The following DGKD variants were observed in gnomAD, a reference collection of about 807,000 sequenced individuals.
DGKD encodes DAG kinase delta.
A neutral mutation model predicts 154.4 loss-of-function variants in DGKD; 68 were observed. The ratio of observed to expected loss-of-function variants is 0.44; its 90% confidence interval spans 0.36 to 0.54. The LOEUF (loss-of-function observed/expected upper bound fraction) is 0.54, where lower values mean the gene tolerates loss of function less well. Ranked by LOEUF, DGKD falls within the 20% of genes least tolerant of loss-of-function variation. The pLI is 0.00. For missense variants in DGKD, 1,343 were observed against 1,593.6 expected, an observed-to-expected ratio of 0.84 and a Z score of 2.68; for synonymous variants, 693 against 638.0, an observed-to-expected ratio of 1.09 and a Z score of -1.30.
At chr2:233,429,285 C>A in intron 3 of DGKD, 2 of 985,282 alleles carry the variant, frequency 2.0e-6, no homozygotes, top group Non-Finnish European at 2.4e-6. Context: ...ATATAATCCC[C>A]GAGTTATGCA....
chr2:233,372,288 C>A (rs1034362264), intron 1 of DGKD, among the ~76,000 whole-genome samples: 1 of 152,198 alleles, frequency 6.6e-6, no homozygotes, highest in African/African-American at 2.4e-5. Flanking sequence ...CCCAAAGTGG[C>A]TAGGATTACA....
chr2:233,366,364 G>A (rs1702030141), intron 1 of DGKD, among the ~76,000 whole-genome samples: 1 of 152,160 alleles, frequency 6.6e-6, no homozygotes, highest in South Asian at 2.1e-4. Flanking sequence ...TGTGGCGATG[G>A]GGGAAGTAGC....
chr2:233,355,844 A>G (rs67863435), intron 1 of DGKD, among the ~76,000 whole-genome samples: 17,481 of 152,310 alleles, frequency 0.11, 1,303 homozygotes, highest in South Asian at 0.34. Context: ...TTAGTTTATT[A>G]GTACTGGTGA....
At position 233,441,700 on chromosome 2, in the gene DGKD, C is replaced by T. The variant is rs745479140; in HGVS notation, c.1086-187C>T. Among the ~76,000 whole-genome samples the T allele has an allele frequency of 3.4e-4, 51 of 152,058 alleles. No homozygotes were observed. The highest frequency in any genetic ancestry group is 6.3e-4 in the Non-Finnish European group (43 of 67,994). ...GTTGGCTGGACCCCAGTGCTGCTGT[C>T]GTCCCTTTGACAAAGTGGACCCTGA... On this transcript the variant is annotated intron_variant, in intron 9 of 29. Coordinates refer to ENST00000264057, the MANE Select transcript of DGKD (RefSeq NM_152879.3). This position sits in a 1 kb window ranked among gnomAD's most constrained non-coding sequence, Gnocchi z 5.6.
intron 1 of DGKD, among the ~76,000 whole-genome samples, chr2:233,370,942 A>T (rs1047818879): frequency 3.3e-5 from 5 of 151,836 alleles, no homozygotes. Flanking sequence ...TGTAGAGATG[A>T]GGTCTTGCTG....
At position 233,452,584 on chromosome 2, in the gene DGKD, A is replaced by G. The variant is rs1365668357; in HGVS notation, c.2264+524A>G. On this transcript the variant is annotated intron_variant, in intron 18 of 29. Transcript: ENST00000264057. The surrounding 1 kb of genome is among the most constrained non-coding windows in gnomAD (Gnocchi z 4.0). ...TCTCCGAGCACCTTAGGGAGACACT[A>G]GCCTGTGCTGAGGCTTATAAGGGCT... is the stretch of plus-strand genomic sequence containing the variant. 6.6e-6 allele frequency among the ~76,000 whole-genome samples: 1 copy of G among 152,160 alleles called. No homozygotes were observed. Among genetic ancestry groups the G allele is most frequent in the Non-Finnish European group, 1.5e-5 (1 of 68,042 alleles).
chr2:233,430,424 T>C (rs1209136984), intron 3 of DGKD, among the ~76,000 whole-genome samples: 1 of 151,806 alleles, frequency 6.6e-6, no homozygotes, highest in East Asian at 1.9e-4. Context: ...TGCTAAGGAG[T>C]GATGGCCGGG....
At chr2:233,358,626 T>G (rs1006734423) in intron 1 of DGKD, among the ~76,000 whole-genome samples, 22 of 152,352 alleles carry the variant, frequency 1.4e-4, no homozygotes, top group Middle Eastern at 3.4e-3. Context: ...GTTTGCTGAT[T>G]CTGGTCATTT....
intron 1 of DGKD, among the ~76,000 whole-genome samples, chr2:233,362,341 G>A (rs1179970825): frequency 6.6e-6 from 1 of 152,108 alleles, no homozygotes; most frequent in East Asian, 1.9e-4. Context: ...AGAAAATTGA[G>A]GAGACACAAT....
rs748647995 is a variant in DGKD, at chr2:233,457,331, A to G, written c.2580+3A>G. ...GGGGGGGTACCAAGGAAGATGATGT[A>G]TGTATGGGGTGTGAGCGGGTGGGCC... On this transcript the variant is annotated splice_donor_region_variant and intron_variant, in intron 21 of 29. Transcript: ENST00000264057. This position sits in a 1 kb window ranked among gnomAD's most constrained non-coding sequence, Gnocchi z 5.5. 1 of 1,555,194 alleles carries G rather than the reference A, an allele frequency of 6.4e-7. No individual in the cohort carries two copies. The highest frequency in any genetic ancestry group is 8.7e-7 in the Non-Finnish European group (1 of 1,146,896).
chr2:233,436,760 G>C (rs13406655), intron 7 of DGKD, among the ~76,000 whole-genome samples: 1 of 152,214 alleles, frequency 6.6e-6, no homozygotes, highest in Non-Finnish European at 1.5e-5. Flanking sequence ...CGCCTCTGTG[G>C]TGTGGAAGCA....
At chr2:233,460,423 G>C in intron 24 of DGKD, 78 bp downstream of exon 24, 1 of 1,536,940 alleles carries the variant, frequency 6.5e-7, no homozygotes, top group Non-Finnish European at 8.8e-7. Flanking sequence ...GGCCCCTGGG[G>C]CGTGGAGCTG....
intron 23 of DGKD, 138 bp from the exon 24 acceptor site, chr2:233,460,056 C>G: frequency 4.1e-6 from 6 of 1,459,170 alleles, no homozygotes; most frequent in Non-Finnish European, 5.4e-6. Flanking sequence ...GGACCATCTC[C>G]TTCCCCTAAT....
intron 26 of DGKD, chr2:233,463,766 G>A (rs1294286643): frequency 1.7e-5 from 4 of 234,162 alleles, no homozygotes; most frequent in South Asian, 1.3e-4. Context: ...CTCGTCCCAC[G>A]TCCCGTGGTC....
Position 233,434,417 on chromosome 2 carries a change from A to T in DGKD, c.386A>T (p.Asp129Val), listed in dbSNP as rs1390961183. Residue 129 changes from aspartate to valine, a missense_variant, in exon 4 of 30, where the codon GAT (aspartate) becomes GTT (valine). By Grantham distance (152) the Asp-to-Val change is radical (BLOSUM62 -3). Coordinates refer to ENST00000264057, the MANE Select transcript of DGKD (RefSeq NM_152879.3). ...TPCRKLILCA[D>V]NRKEMEDWIA... ...TGCAGGAAGCTCATCTTGTGTGCTG[A>T]TAACAGAAAAGAAATGGAAGATTGG... 1 of 1,614,196 alleles carries T rather than the reference A, an allele frequency of 6.2e-7. No homozygotes were observed. The highest frequency in any genetic ancestry group is 1.7e-5 in the Admixed American group (1 of 60,026).
At chr2:233,468,581 C>A in intron 29 of DGKD, 28 bp downstream of exon 29, 3 of 1,612,548 alleles carry the variant, frequency 1.9e-6, no homozygotes, top group Non-Finnish European at 2.5e-6. Flanking sequence ...TCCCTGGAAC[C>A]TGCACTTGGG....
Position 233,365,430 on chromosome 2 carries a change from A to AGGGG in DGKD, c.156+10760_156+10763dup, listed in dbSNP as rs570738157. Among the ~76,000 whole-genome samples, 314 of 151,916 alleles carry AGGGG rather than the reference A, an allele frequency of 2.1e-3. 5 individuals carry two copies. In the East Asian group the frequency reaches 0.039, roughly 19 times the overall value. On this transcript the variant is annotated intron_variant, in intron 1 of 29. Coordinates refer to ENST00000264057, the MANE Select transcript of DGKD (RefSeq NM_152879.3). ...ATTTTTGTATTTTTAATAGAGATGGAGGGGGGGTCTCACCGTCTTGGTTAG... is the reference window on the plus strand; with the variant it reads ...ATTTTTGTATTTTTAATAGAGATGGAGGGGGGGGGGGTCTCACCGTCTTGGTTAG...
Position 233,457,471 on chromosome 2 carries a change from A to G in DGKD, c.2580+143A>G. On this transcript the variant is annotated intron_variant, in intron 21 of 29. Transcript: ENST00000264057. The surrounding 1 kb of genome is among the most constrained non-coding windows in gnomAD (Gnocchi z 5.5). The stretch of plus-strand genomic sequence containing the variant: ...GGTTGCCGTGGAGAACAAGATAGAC[A>G]GGGTCCCCCACCCAGCTCATCGTCT... The G allele has an allele frequency of 1.4e-6, 1 of 717,152 alleles. No homozygotes were observed. The highest frequency in any genetic ancestry group is 2.5e-6 in the Non-Finnish European group (1 of 397,140). 44.4% of individuals were successfully genotyped at this position (717,152 alleles called of 1,614,324 possible). A position where few individuals can be genotyped will look rare whatever the true frequency, so the allele number is the denominator to read the frequency against.
chr2:233,429,374 G>A, intron 3 of DGKD: 8 of 961,200 alleles, frequency 8.3e-6, no homozygotes, highest in Non-Finnish European at 8.7e-6. Context: ...CACCCAGGGT[G>A]AACAGTTCGG....
Sources: allele counts gnomAD v4.1 joint callset (sites outside exome capture counted in the v4.1 genomes callset), GRCh38; gene constraint gnomAD v4.1.1; non-coding constraint Gnocchi (gnomAD v3.1); transcripts MANE v1.5; gene names NCBI Gene and HGNC (gene_info 2026-07-23, HGNC 2026-07-21).